The following PDE4DIP variants were observed in gnomAD, a reference collection of about 807,000 sequenced individuals.
PDE4DIP encodes the protein myomegalin.
In PDE4DIP, 59 loss-of-function variants were observed where a neutral mutation model predicts 221.4. The observed-to-expected ratio is 0.27, with a 90% CI of 0.22 to 0.33. The LOEUF is 0.33. Among genes scored for constraint, PDE4DIP ranks in the 10% least tolerant of loss-of-function variants. The pLI is 1.00. For missense variants in PDE4DIP, 1,036 were observed against 2,154.2 expected (o/e 0.48, Z 10.28); for synonymous variants, 404 against 815.9 (o/e 0.50, Z 8.60).
At chr1:148,918,390 T>C (rs1553459895) in intron 1 of PDE4DIP, among the ~76,000 whole-genome samples, 1 of 79,738 alleles carries the variant, frequency 1.3e-5, no homozygotes, top group Admixed American at 1.3e-4. Context: ...GTTTGTTACA[T>C]GCTATGATAA....
intron 1 of PDE4DIP, among the ~76,000 whole-genome samples, chr1:148,821,393 G>A (rs1373324864): frequency 6.7e-6 from 1 of 150,140 alleles, no homozygotes; most frequent in Non-Finnish European, 1.5e-5. Context: ...CACAATACTA[G>A]GTGCTAGAAT....
chr1:148,938,754 A>C lies in PDE4DIP; in HGVS notation c.636+890A>C, dbSNP rs386635178. Among the ~76,000 whole-genome samples the C allele has an allele frequency of 2.9e-3, 438 of 151,572 alleles. 2 individuals are homozygous for C. The highest frequency in any genetic ancestry group is 9.8e-3 in the African/African-American group (406 of 41,356). Reference sequence around the variant, plus strand: ...GAAATGGTGATTACTATTTCCGTACAAGTGTATCAGATAATGATAGAAATT... The same window carrying C: ...GAAATGGTGATTACTATTTCCGTACCAGTGTATCAGATAATGATAGAAATT... On this transcript the variant is annotated intron_variant, in intron 5 of 43. Transcript: ENST00000369354.
exon 31 of PDE4DIP, chr1:149,010,585 G>T (rs1699787): frequency 1.2e-6 from 2 of 1,613,848 alleles, no homozygotes; most frequent in African/African-American, 2.7e-5. Flanking sequence ...AGGCCAACCA[G>T]GCCCATTCAG....
At chr1:149,009,526 G>A (rs782805839) in intron 29 of PDE4DIP, 42 bp from the exon 33 acceptor site, 12 of 1,377,698 alleles carry the variant, frequency 8.7e-6, no homozygotes, top group East Asian at 2.4e-5. Context: ...GGTTGGCTTC[G>A]GTGACCTTGG....
At chr1:149,029,534 G>A (rs2312481) in intron 41 of PDE4DIP, among the ~76,000 whole-genome samples, 2 of 152,100 alleles carry the variant, frequency 1.3e-5, no homozygotes, top group Non-Finnish European at 2.9e-5. Flanking sequence ...AGCCTGAGGC[G>A]AGGTTCTCTT....
At chr1:148,960,275 T>G (rs2056587182) in intron 5 of PDE4DIP, among the ~76,000 whole-genome samples, 2 of 150,870 alleles carry the variant, frequency 1.3e-5, no homozygotes, top group Non-Finnish European at 3.0e-5. Context: ...AGTGTAAGTT[T>G]GATGAGTATG....
chr1:148,979,513 CT>C (rs2060743093), intron 19 of PDE4DIP, among the ~76,000 whole-genome samples: 1 of 152,146 alleles, frequency 6.6e-6, no homozygotes, highest in Non-Finnish European at 1.5e-5. Flanking sequence ...CTTCTCTCTG[CT>C]TTTTCTTCTT....
At chr1:148,820,737 TC>T (rs1296878756) in intron 1 of PDE4DIP, among the ~76,000 whole-genome samples, 1 of 149,106 alleles carries the variant, frequency 6.7e-6, no homozygotes, top group East Asian at 1.9e-4. Flanking sequence ...GCTAGAATTG[TC>T]TTCTTTGCCA....
exon 33 of PDE4DIP, chr1:149,016,310 G>T (rs1553610628): frequency 6.2e-7 from 1 of 1,613,706 alleles, no homozygotes; most frequent in South Asian, 1.1e-5. Flanking sequence ...TGCCAGCACT[G>T]TTCCTCCTGC....
intron 21 of PDE4DIP, 36 bp downstream of exon 24, chr1:148,981,433 C>T: frequency 1.2e-6 from 2 of 1,613,214 alleles, no homozygotes; most frequent in Non-Finnish European, 1.7e-6. Context: ...TCATCACAAG[C>T]ATGCCTACTG....
chr1:148,929,858 T>C (rs1391966026), intron 2 of PDE4DIP: 2 of 152,812 alleles, frequency 1.3e-5, no homozygotes, highest in African/African-American at 4.8e-5. Context: ...CTAGAAACAA[T>C]TATCCATCAA....
chr1:148,984,224 G>C (rs587754119), intron 21 of PDE4DIP: 2 of 152,168 alleles, frequency 1.3e-5, no homozygotes, highest in East Asian at 3.9e-4. Flanking sequence ...CTTTTCCTTT[G>C]ATAGTGTGTA....
chr1:148,821,010 C>T (rs1669055158), intron 1 of PDE4DIP, among the ~76,000 whole-genome samples: 1 of 150,292 alleles, frequency 6.7e-6, no homozygotes, highest in East Asian at 1.9e-4. Flanking sequence ...CAATACCTCG[C>T]CCGGCTAATT....
chr1:148,962,979 G>A (rs1239274326), intron 9 of PDE4DIP, among the ~76,000 whole-genome samples: 1 of 152,134 alleles, frequency 6.6e-6, no homozygotes, highest in Non-Finnish European at 1.5e-5. Context: ...TGCAACCTCC[G>A]CCTCCTGTAT....
intron 26 of PDE4DIP, among the ~76,000 whole-genome samples, chr1:149,004,043 T>C (rs2066369634): frequency 6.6e-6 from 1 of 151,878 alleles, no homozygotes; most frequent in South Asian, 2.1e-4. Flanking sequence ...TTTTGCATTA[T>C]AAAAAGACTA....
chr1:148,912,002 A>G (rs1175495043), intron 1 of PDE4DIP, among the ~76,000 whole-genome samples: 1 of 146,824 alleles, frequency 6.8e-6, no homozygotes, highest in East Asian at 1.9e-4. Flanking sequence ...GGGCCTGCTC[A>G]TACCCAAAGA....
intron 5 of PDE4DIP, chr1:148,953,386 G>T (rs2054145710): frequency 6.2e-7 from 1 of 1,614,120 alleles, no homozygotes; most frequent in Non-Finnish European, 8.5e-7. Flanking sequence ...CTAGCAGGTG[G>T]TCGACCAGCA....
chr1:148,820,555 C>CAAAAAAAAAAAAAA (rs148261220), intron 1 of PDE4DIP, among the ~76,000 whole-genome samples: 1 of 39,370 alleles, frequency 2.5e-5, no homozygotes, highest in East Asian at 1.1e-3. Flanking sequence ...AACTCCATCT[C>CAAAAAAAAAAAAAA]AAAAAAAAAA....
chr1:148,844,061 T>C (rs1327849538), intron 1 of PDE4DIP, among the ~76,000 whole-genome samples: 1 of 44,188 alleles, frequency 2.3e-5, no homozygotes, highest in African/African-American at 6.1e-5. Context: ...GGTATACATC[T>C]GCATTCAGCC....
Sources: gnomAD v4.1 joint callset for allele counts (sites outside exome capture counted in the v4.1 genomes callset) on GRCh38, gnomAD v4.1.1 for gene constraint, MANE v1.5 for transcripts, NCBI Gene and HGNC (gene_info 2026-07-23, HGNC 2026-07-21) for gene names.